Variants in DMD observed in about 807,000 individuals in gnomAD.
The protein encoded by DMD is mutant dystrophin.
A neutral mutation model predicts 330.1 loss-of-function variants in DMD; 63 were observed. The observed-to-expected ratio is 0.19, with a 90% CI of 0.16 to 0.24. The LOEUF (loss-of-function observed/expected upper bound fraction) is 0.24. Ranked by LOEUF, DMD falls within the 10% of genes least tolerant of loss-of-function variation. DMD has a pLI of 1.00. For missense variants in DMD, 3,344 were observed against 2,684.1 expected, an observed-to-expected ratio of 1.25 and a Z score of -5.43; for synonymous variants, 1,223 against 959.8, an observed-to-expected ratio of 1.27 and a Z score of -5.07.
At chrX:31,444,730 T>C in intron 59 of DMD, 103 bp from the exon 60 acceptor site, 2 of 880,640 alleles carry the variant, frequency 2.3e-6, no homozygotes, top group Admixed American at 4.6e-5. Context: ...CAGTAATGTT[T>C]GCTCTATGCT....
intron 42 of DMD, among the ~76,000 whole-genome samples, chrX:32,290,202 C>T (rs1444736936): frequency 9.1e-6 from 1 of 110,436 alleles, no homozygotes; most frequent in African/African-American, 3.4e-5. Flanking sequence ...CAGTGGTTCC[C>T]TTACTTCTTT....
chrX:31,208,149 G>T (rs1195824921), intron 65 of DMD, among the ~76,000 whole-genome samples: 1 of 111,668 alleles, frequency 9.0e-6, no homozygotes, highest in African/African-American at 3.3e-5. Flanking sequence ...CAAAGGATAG[G>T]TCCCAATGGC....
intron 74 of DMD, among the ~76,000 whole-genome samples, chrX:31,162,178 T>C (rs1169164233): frequency 6.4e-5 from 7 of 109,760 alleles, no homozygotes; most frequent in Non-Finnish European, 5.7e-5. Flanking sequence ...TTCATCTTTG[T>C]AGTCTCATAA....
intron 62 of DMD, among the ~76,000 whole-genome samples, chrX:31,265,783 T>G (rs866695899): frequency 3.1e-4 from 5 of 16,268 alleles, no homozygotes; most frequent in African/African-American, 8.9e-4. Flanking sequence ...ATTGGGGGTG[T>G]GGGGGGGGGG....
intron 2 of DMD, among the ~76,000 whole-genome samples, chrX:32,944,339 G>A (rs1352867683): frequency 9.0e-6 from 1 of 111,242 alleles, no homozygotes; most frequent in African/African-American, 3.3e-5. Context: ...CTCTACCATC[G>A]CCTCATTGTA....
Position 32,214,262 on chromosome X carries a change from T to C in DMD, c.6438+2654A>G, listed in dbSNP as rs1405577992. On this transcript the variant is annotated intron_variant, in intron 44 of 78. Transcript: ENST00000357033. ...AAAAAAAAAAAGACAAAATATATGC[T>C]ACAACGGTTTTCAACACATTGAACA... is the stretch of plus-strand genomic sequence containing the variant. Among the ~76,000 whole-genome samples, 4 of 105,158 alleles carry C rather than the reference T, an allele frequency of 3.8e-5. No homozygotes were observed. In the East Asian group the frequency reaches 1.2e-3, roughly 32 times the overall value. The allele number at this position is 105,158 out of a possible 115,157, so 91.3% of individuals were successfully genotyped here.
chrX:31,428,184 G>C (rs1260802869), intron 60 of DMD, among the ~76,000 whole-genome samples: 2 of 111,644 alleles, frequency 1.8e-5, no homozygotes, highest in East Asian at 5.7e-4. Context: ...GGCCCGGTGG[G>C]GGAGACTGGA....
In DMD at chrX:32,527,714, T is replaced by C. The variant is rs146124883; in HGVS notation, c.2169-9583A>G. On this transcript the variant is annotated intron_variant, in intron 17 of 78. Coordinates refer to ENST00000357033, the MANE Select transcript of DMD (RefSeq NM_004006.3). ...AATATTTTTAGGACTTTGAGATGCA[T>C]TGACTACATGGCAATTATTATATTT... Among the ~76,000 whole-genome samples, 354 of 111,633 alleles carry C rather than the reference T, an allele frequency of 3.2e-3. 1 individual carries two copies. Among genetic ancestry groups the C allele is most frequent in the African/African-American group, 0.011 (344 of 30,734 alleles).
At chrX:31,127,758 T>G (rs16998125) in intron 77 of DMD, among the ~76,000 whole-genome samples, 1 of 111,282 alleles carries the variant, frequency 9.0e-6, no homozygotes, top group Non-Finnish European at 1.9e-5. Flanking sequence ...ACGACACCAA[T>G]AGAAACCTTT....
intron 20 of DMD, among the ~76,000 whole-genome samples, 174 bp downstream of exon 20, chrX:32,491,103 A>G (rs1287688549): frequency 8.9e-6 from 1 of 112,661 alleles, no homozygotes; most frequent in Non-Finnish European, 1.9e-5. Flanking sequence ...CCGGGTATCT[A>G]CGTCTTACAT....
At chrX:33,302,423 A>G (rs1257833959) in intron 1 of DMD, among the ~76,000 whole-genome samples, 1 of 112,154 alleles carries the variant, frequency 8.9e-6, no homozygotes. Flanking sequence ...TTCTAGGTTG[A>G]TAGGTAAAAT....
intron 1 of DMD, among the ~76,000 whole-genome samples, chrX:33,281,293 C>T (rs1435577558): frequency 1.9e-5 from 2 of 107,448 alleles, no homozygotes; most frequent in Non-Finnish European, 3.8e-5. Flanking sequence ...ACTGCAACCT[C>T]TCTCTCCCGG....
At chrX:32,317,185 T>A (rs1802813591) in intron 41 of DMD, among the ~76,000 whole-genome samples, 1 of 111,621 alleles carries the variant, frequency 9.0e-6, no homozygotes, top group Admixed American at 9.6e-5. Context: ...TCTGATTAAT[T>A]CATTTTATTT....
chrX:32,806,715 G>A (rs763776704), intron 7 of DMD, among the ~76,000 whole-genome samples: 3 of 111,362 alleles, frequency 2.7e-5, no homozygotes, highest in Non-Finnish European at 5.6e-5. Context: ...CTCAGCAAAT[G>A]CAAAAGAATG....
intron 7 of DMD, among the ~76,000 whole-genome samples, chrX:32,732,284 G>A (rs986169579): frequency 9.0e-6 from 1 of 111,284 alleles, no homozygotes; most frequent in South Asian, 3.9e-4. Context: ...ATCTACGTCT[G>A]ATTGGTGTAC....
At chrX:33,313,777 T>G (rs1447582572) in intron 1 of DMD, among the ~76,000 whole-genome samples, 1 of 111,472 alleles carries the variant, frequency 9.0e-6, no homozygotes, top group Non-Finnish European at 1.9e-5. Flanking sequence ...GCAATTTAGT[T>G]TGAAATAGGT....
At chrX:32,707,426 C>T (rs1189828284) in intron 7 of DMD, among the ~76,000 whole-genome samples, 1 of 111,623 alleles carries the variant, frequency 9.0e-6, no homozygotes, top group African/African-American at 3.3e-5. Flanking sequence ...CCTGAGAGTG[C>T]CTCAGAGCAA....
intron 7 of DMD, among the ~76,000 whole-genome samples, chrX:32,704,968 C>T (rs183949448): frequency 2.7e-5 from 3 of 112,165 alleles, no homozygotes; most frequent in East Asian, 5.6e-4. Context: ...ATAATATCAT[C>T]TGATATCTAA....
In DMD at chrX:32,215,284, T is replaced by TA. The variant is rs749024225; in HGVS notation, c.6438+1631dup. On this transcript the variant is annotated intron_variant, in intron 44 of 78. Coordinates refer to ENST00000357033, the MANE Select transcript of DMD (RefSeq NM_004006.3). ...TGTACAATTGGAGTTCCATTTTTTT[T>TA]AAAAAAATGGTTGAAAGGTTTCTAA... 2.1e-3 allele frequency among the ~76,000 whole-genome samples: 230 copies of TA among 111,194 alleles called. 1 individual carries two copies. The highest frequency in any genetic ancestry group is 7.2e-3 in the African/African-American group (222 of 30,679).
Sources: gnomAD v4.1 joint callset for allele counts (sites outside exome capture counted in the v4.1 genomes callset) on GRCh38, gnomAD v4.1.1 for gene constraint, MANE v1.5 for transcripts, NCBI Gene and HGNC (gene_info 2026-07-23, HGNC 2026-07-21) for gene names.